The following MAGI2 variants were observed in gnomAD, a reference collection of about 807,000 sequenced individuals.
The protein encoded by MAGI2 is membrane associated guanylate kinase, WW and PDZ domain containing 2.
MAGI2 carries 35 observed loss-of-function variants against 133.3 expected under a neutral mutation model. The observed-to-expected ratio is 0.26, with a 90% CI of 0.20 to 0.35. The LOEUF is 0.35. Among genes scored for constraint, MAGI2 ranks in the 10% least tolerant of loss-of-function variants. MAGI2 has a pLI of 1.00. For synonymous variants in MAGI2, 729 were observed against 710.6 expected (o/e 1.03, Z -0.41); for missense variants, 1,636 against 1,863.4 (o/e 0.88, Z 2.25).
chr7:78,358,763 C>A, intron 7 of MAGI2: 1 of 201,388 alleles, frequency 5.0e-6, no homozygotes, highest in Non-Finnish European at 1.0e-5. Context: ...GGCCAAGATG[C>A]ACTACAGGAA....
chr7:78,569,636 T>A (rs1444797692), intron 3 of MAGI2, among the ~76,000 whole-genome samples: 2 of 152,164 alleles, frequency 1.3e-5, no homozygotes, highest in African/African-American at 4.8e-5. Context: ...TTAAAAAAAA[T>A]AAAATTTAAA....
chr7:78,794,277 T>C (rs954387516), intron 2 of MAGI2, among the ~76,000 whole-genome samples: 10 of 152,292 alleles, frequency 6.6e-5, no homozygotes, highest in African/African-American at 2.4e-4. Context: ...GGTAGTTGCA[T>C]TCTAAGAATC....
At chr7:78,119,557 CAAAAAA>C (rs1166809821) in intron 20 of MAGI2, among the ~76,000 whole-genome samples, 1 of 48,916 alleles carries the variant, frequency 2.0e-5, no homozygotes, top group African/African-American at 7.6e-5. Context: ...TGAGACTCCT[CAAAAAA>C]AAAAAAAAAA....
chr7:78,431,105 T>TGTGTGTGTGTGTGTGTGTGTGTGTGTG (rs1562984625), intron 6 of MAGI2, among the ~76,000 whole-genome samples: 7 of 151,574 alleles, frequency 4.6e-5, no homozygotes, highest in African/African-American at 1.5e-4. Flanking sequence ...TGTGTGTGTG[T>TGTGTGTGTGTGTGTGTGTGTGTGTGTG]TTTAAGCAAA....
intron 1 of MAGI2, among the ~76,000 whole-genome samples, chr7:79,403,595 A>T (rs761019526): frequency 6.6e-6 from 1 of 152,094 alleles, no homozygotes; most frequent in Non-Finnish European, 1.5e-5. Context: ...TTCCAGTTAA[A>T]TTTTTGTTTC....
rs115708020 is a variant in MAGI2 at position 78,557,356 on chromosome 7, C to T, written c.539-35711G>A. Among the ~76,000 whole-genome samples the T allele has an allele frequency of 3.2e-4, 49 of 152,258 alleles. 1 individual carries two copies. Among genetic ancestry groups the T allele is most frequent in the African/African-American group, 9.1e-4 (38 of 41,548 alleles). ...AGCCAGTTAGCATTGTTGTATTCTCCTTCCAAGACCTGGTACCATTTCCTG... is the reference window on the plus strand; with the variant it reads ...AGCCAGTTAGCATTGTTGTATTCTCTTTCCAAGACCTGGTACCATTTCCTG... On this transcript the variant is annotated intron_variant, in intron 3 of 21. Transcript: ENST00000354212.
At chr7:78,962,996 G>A (rs747820536) in intron 2 of MAGI2, among the ~76,000 whole-genome samples, 4 of 151,998 alleles carry the variant, frequency 2.6e-5, no homozygotes, top group Non-Finnish European at 5.9e-5. Flanking sequence ...TTATTTATAA[G>A]CTTTAAGTAT....
intron 1 of MAGI2, among the ~76,000 whole-genome samples, chr7:79,095,497 T>A (rs745791090): frequency 6.6e-6 from 1 of 152,176 alleles, no homozygotes; most frequent in Non-Finnish European, 1.5e-5. Flanking sequence ...CATTTCTAGT[T>A]TTTGATTTAA....
At chr7:78,214,984 C>G (rs576922320) in intron 10 of MAGI2, among the ~76,000 whole-genome samples, 34 of 152,314 alleles carry the variant, frequency 2.2e-4, no homozygotes, top group African/African-American at 7.7e-4. Flanking sequence ...GCTTGCATCA[C>G]AGTCCACGGA....
chr7:79,102,218 C>T (rs1486386007), intron 1 of MAGI2, among the ~76,000 whole-genome samples: 1 of 151,902 alleles, frequency 6.6e-6, no homozygotes, highest in East Asian at 1.9e-4. Flanking sequence ...GCACGTATGC[C>T]CCAAAATTCA....
intron 1 of MAGI2, among the ~76,000 whole-genome samples, chr7:79,160,895 C>T (rs1198376075): frequency 2.6e-5 from 4 of 151,902 alleles, no homozygotes; most frequent in South Asian, 2.1e-4. Flanking sequence ...CATTGGTGCC[C>T]CTTCCACAGA....
At chr7:78,779,427 A>C (rs529311667) in intron 2 of MAGI2, among the ~76,000 whole-genome samples, 25 of 152,320 alleles carry the variant, frequency 1.6e-4, no homozygotes, top group Non-Finnish European at 3.1e-4. Context: ...ACTTAATAGA[A>C]CCAAAATCAA....
intron 2 of MAGI2, among the ~76,000 whole-genome samples, chr7:78,809,469 T>C (rs1300277846): frequency 6.6e-6 from 1 of 152,192 alleles, no homozygotes; most frequent in Non-Finnish European, 1.5e-5. Flanking sequence ...CCCTTCCTTG[T>C]GTGTCTTGGA....
chr7:79,425,780 G>C lies in MAGI2; in HGVS notation c.301+27240C>G, dbSNP rs1159848284. Among the ~76,000 whole-genome samples the C allele has an allele frequency of 5.3e-5, 8 of 151,528 alleles. No individual in the cohort carries two copies. In the East Asian group the frequency reaches 1.4e-3, roughly 26 times the overall value. On this transcript the variant is annotated intron_variant, in intron 1 of 21. Coordinates refer to ENST00000354212, the MANE Select transcript of MAGI2 (RefSeq NM_012301.4). ...ATACAGACAAAATAGAGAGAGAGAG[G>C]GTTGGGGGATGGAGGAAAAGAGGGG... is the stretch of plus-strand genomic sequence containing the variant.
intron 2 of MAGI2, among the ~76,000 whole-genome samples, chr7:78,668,144 T>C (rs1813863583): frequency 6.6e-6 from 1 of 152,186 alleles, no homozygotes; most frequent in South Asian, 2.1e-4. Flanking sequence ...TGATGGCCAG[T>C]GATGGTGAGC....
chr7:78,628,192 C>T (rs1563263808), intron 2 of MAGI2, among the ~76,000 whole-genome samples: 2 of 152,180 alleles, frequency 1.3e-5, no homozygotes. Flanking sequence ...GGTAATACTT[C>T]CTCCCTTGAA....
chr7:78,221,874 G>T (rs1055732804), intron 10 of MAGI2, among the ~76,000 whole-genome samples: 1 of 151,310 alleles, frequency 6.6e-6, no homozygotes, highest in Middle Eastern at 3.2e-3. Flanking sequence ...GGCCTTAAAC[G>T]ATCCTTTTGT....
chr7:79,338,008 T>C (rs1840568046), intron 1 of MAGI2, among the ~76,000 whole-genome samples: 1 of 152,120 alleles, frequency 6.6e-6, no homozygotes, highest in Non-Finnish European at 1.5e-5. Context: ...ACATAAAACA[T>C]CCTTTGTGAT....
rs561740263 is a variant in MAGI2, at chr7:78,387,069, C to T, written c.1046-17856G>A. ...CATATAGATTGGTATGCTACTATAG[C>T]GACAATAGTTTTTTAAACCTGTGAA... On this transcript the variant is annotated intron_variant, in intron 6 of 21. Transcript: ENST00000354212. Among the ~76,000 whole-genome samples the T allele has an allele frequency of 2.7e-4, 41 of 152,254 alleles. 1 individual carries two copies. In the South Asian group the frequency reaches 7.5e-3, roughly 28 times the overall value.
Sources: allele counts gnomAD v4.1 joint callset (sites outside exome capture counted in the v4.1 genomes callset), GRCh38; gene constraint gnomAD v4.1.1; transcripts MANE v1.5; gene names NCBI Gene and HGNC (gene_info 2026-07-23, HGNC 2026-07-21).